Variants in CASC3 observed in about 807,000 individuals in gnomAD.
CASC3 encodes the protein protein CASC3.
Under a neutral mutation model 80.5 loss-of-function variants are expected in CASC3, and 30 were observed. The observed-to-expected ratio is 0.37, with a 90% CI of 0.28 to 0.51. The LOEUF (loss-of-function observed/expected upper bound fraction) is 0.51. Among genes scored for constraint, CASC3 ranks in the 20% least tolerant of loss-of-function variants. The pLI is 0.94. For synonymous variants in CASC3, 312 were observed against 333.6 expected, an observed-to-expected ratio of 0.94 and a Z score of 0.70; for missense variants, 824 against 922.2, an observed-to-expected ratio of 0.89 and a Z score of 1.38.
At chr17:40,150,971 C>T (rs560291791) in intron 3 of CASC3, among the ~76,000 whole-genome samples, 25 of 152,066 alleles carry the variant, frequency 1.6e-4, no homozygotes, top group Non-Finnish European at 3.4e-4. Context: ...CGAGATCACG[C>T]CACTGCACTC....
intron 12 of CASC3, 59 bp from the exon 13 acceptor site, chr17:40,169,539 C>T (rs1377185211): frequency 1.9e-6 from 3 of 1,577,688 alleles, no homozygotes; most frequent in Admixed American, 3.9e-5. Context: ...GGGTGTGTTT[C>T]TCTGGAAAAC....
At chr17:40,158,824 T>G (rs1246738936) in intron 3 of CASC3, among the ~76,000 whole-genome samples, 1 of 152,202 alleles carries the variant, frequency 6.6e-6, no homozygotes, top group African/African-American at 2.4e-5. Flanking sequence ...ATTCTGGATA[T>G]GTTCTGGCTG....
intron 7 of CASC3, among the ~76,000 whole-genome samples, chr17:40,166,508 A>G (rs1425500051): frequency 2.0e-5 from 3 of 151,554 alleles, no homozygotes; most frequent in African/African-American, 4.9e-5. Context: ...CAGGGATTCT[A>G]TGCAGGGAAC....
At chr17:40,143,659 G>A (rs1017061127) in intron 3 of CASC3, among the ~76,000 whole-genome samples, 7 of 150,932 alleles carry the variant, frequency 4.6e-5, no homozygotes, top group Non-Finnish European at 8.9e-5. Context: ...GTGAAATCTC[G>A]TCTCTACTAA....
chr17:40,168,058 A>G (rs897970152), intron 10 of CASC3, 110 bp downstream of exon 10: 2 of 1,320,988 alleles, frequency 1.5e-6, no homozygotes, highest in Admixed American at 3.6e-5. Flanking sequence ...GAGTCTGGCC[A>G]TCCTGGCTGC....
intron 7 of CASC3, among the ~76,000 whole-genome samples, 171 bp downstream of exon 7, chr17:40,164,337 C>T (rs113041992): frequency 0.065 from 9,889 of 152,152 alleles, 708 homozygotes; most frequent in African/African-American, 0.17. Flanking sequence ...GATTTTGGCT[C>T]ACTGCAACCT....
In CASC3 at chr17:40,164,056, C is replaced by T. The variant is rs367862787; in HGVS notation, c.1361C>T (p.Pro454Leu). 13 of 1,613,868 alleles carry T rather than the reference C, an allele frequency of 8.1e-6. No homozygotes were observed. Among genetic ancestry groups the T allele is most frequent in the Middle Eastern group, 1.6e-4 (1 of 6,062 alleles). The change falls in exon 7 of 14, where the codon CCG becomes CTG. Residue 454 changes from proline (P) to leucine (L), a missense_variant. Physicochemically the swap from Pro to Leu is moderately conservative, Grantham distance 98. Transcript: ENST00000264645. ...PPTKTGTWEA[P>L]VDSSTSGLEQ... ...ACTAAGACTGGGACCTGGGAAGCTC[C>T]GGTGGATTCTAGTACAAGTGGACTT...
chr17:40,165,473 T>C (rs952963760), intron 7 of CASC3, among the ~76,000 whole-genome samples: 13 of 152,092 alleles, frequency 8.5e-5, no homozygotes, highest in African/African-American at 2.9e-4. Context: ...GGATTACAGA[T>C]GGAAGACACT....
intron 3 of CASC3, 123 bp downstream of exon 3, chr17:40,141,730 G>A: frequency 1.2e-6 from 1 of 820,300 alleles, no homozygotes; most frequent in South Asian, 1.5e-5. Flanking sequence ...CTTCATTTAT[G>A]CTTCTGAAAA....
chr17:40,168,311 C>T lies in CASC3; in HGVS notation c.1859C>T (p.Thr620Ile). 6.2e-7 allele frequency: 1 copy of T among 1,614,168 alleles called. No homozygotes were observed. The highest frequency in any genetic ancestry group is 8.5e-7 in the Non-Finnish European group (1 of 1,180,028). The change falls in exon 11 of 14, where the codon ACT becomes ATT. Residue 620 changes from threonine (T) to isoleucine (I), a missense_variant. Around this residue, in one of 3 missense-constraint regions of CASC3, gnomAD observed 464 missense variants for 506.0 expected, o/e 0.92. Transcript: ENST00000264645. ...QPPPQQLLAP[T>I]YFSAPGVMNF... is the part of the protein sequence containing the mutation. The stretch of plus-strand genomic sequence containing the variant: ...CCACCTCAGCAGTTGCTTGCTCCTA[C>T]TTACTTTTCTGCTCCAGGCGTCATG...
intron 3 of CASC3, among the ~76,000 whole-genome samples, chr17:40,144,658 C>CTTTT (rs939136950): frequency 8.4e-6 from 1 of 119,118 alleles, no homozygotes; most frequent in Non-Finnish European, 1.7e-5. Flanking sequence ...GCCCAGCCCT[C>CTTTT]TTTTTTTTTT....
At position 40,171,649 on chromosome 17, in the gene CASC3, C is replaced by G. The variant is rs1989596400; in HGVS notation, c.*1244C>G. The G allele has an allele frequency of 9.9e-7, 1 of 1,011,696 alleles. No homozygotes were observed. The highest frequency in any genetic ancestry group is 1.7e-5 in the African/African-American group (1 of 58,088). The allele number at this position is 1,011,696 out of a possible 1,614,324, so 62.7% of individuals were successfully genotyped here. On this transcript the variant is annotated 3_prime_UTR_variant, in exon 14 of 14. Coordinates refer to ENST00000264645, the MANE Select transcript of CASC3 (RefSeq NM_007359.5). ...CTATCTTTCCTCCCTATCCATGGCA[C>G]TAAACCACTTCTCTGCTGCCTCTGT...
At chr17:40,143,854 A>G (rs1052732764) in intron 3 of CASC3, among the ~76,000 whole-genome samples, 3 of 152,044 alleles carry the variant, frequency 2.0e-5, no homozygotes, top group Non-Finnish European at 4.4e-5. Flanking sequence ...ATATATATTA[A>G]TAAAAGAACG....
At chr17:40,167,783 G>A in intron 9 of CASC3, 67 bp from the exon 10 acceptor site, 2 of 1,432,432 alleles carry the variant, frequency 1.4e-6, no homozygotes, top group Non-Finnish European at 2.0e-6. Flanking sequence ...AAAGGGCTTG[G>A]GGAACAAGGA....
chr17:40,143,098 A>T (rs1259353374), intron 3 of CASC3, among the ~76,000 whole-genome samples: 2 of 151,480 alleles, frequency 1.3e-5, no homozygotes, highest in East Asian at 3.9e-4. Context: ...AAAAAAAAAA[A>T]ATAAATAAAT....
Position 40,170,625 on chromosome 17 carries a change from T to A in CASC3, c.*220T>A. The A allele has an allele frequency of 1.0e-6, 1 of 985,440 alleles. No individual in the cohort carries two copies. The allele number at this position is 985,440 out of a possible 1,614,324, so 61.0% of individuals were successfully genotyped here. On this transcript the variant is annotated 3_prime_UTR_variant, in exon 14 of 14. Transcript: ENST00000264645. ...CAAGTGGACCTCGTCCCATCTTCAC[T>A]CTTCACTTGAGTTGGCTGTGTTCGG... is the stretch of plus-strand genomic sequence containing the variant.
rs1989587804 is a variant in CASC3 at position 40,171,315 on chromosome 17, A to G, written c.*910A>G. On this transcript the variant is annotated 3_prime_UTR_variant, in exon 14 of 14. Transcript: ENST00000264645. ...TTTGCCTTTAGGGGTGTGTATTCAC[A>G]TAGTCCTCAGGGCTCAGTCTTTTGA... 3.0e-6 allele frequency: 3 copies of G among 985,924 alleles called. No homozygotes were observed. The highest frequency in any genetic ancestry group is 1.2e-4 in the Admixed American group (2 of 16,256). 61.1% of individuals were successfully genotyped at this position (985,924 alleles called of 1,614,324 possible). A position where few individuals can be genotyped will look rare whatever the true frequency, so the allele number is the denominator to read the frequency against.
At chr17:40,164,233 T>G in intron 7 of CASC3, 67 bp downstream of exon 7, 2 of 1,249,314 alleles carry the variant, frequency 1.6e-6, no homozygotes, top group South Asian at 3.0e-5. Context: ...GGCATGGGAC[T>G]TCTGTCTCAG....
At chr17:40,165,763 GTTT>G (rs915103639) in intron 7 of CASC3, among the ~76,000 whole-genome samples, 1 of 123,020 alleles carries the variant, frequency 8.1e-6, no homozygotes. Context: ...TTTTTTTTTT[GTTT>G]TTTTTTTTTT....
Sources: allele counts gnomAD v4.1 joint callset (sites outside exome capture counted in the v4.1 genomes callset), GRCh38; gene constraint gnomAD v4.1.1; regional missense constraint gnomAD v4.1.1; transcripts MANE v1.5; gene names NCBI Gene and HGNC (gene_info 2026-07-23, HGNC 2026-07-21).